Variants in SLIT2 observed in about 807,000 individuals in gnomAD.
The protein encoded by SLIT2 is slit homolog 2 protein.
A neutral mutation model predicts 185.7 loss-of-function variants in SLIT2; 41 were observed. That is an observed-to-expected ratio of 0.22 (90% CI 0.17 to 0.29). The LOEUF (loss-of-function observed/expected upper bound fraction) is 0.29. Ranked by LOEUF, SLIT2 falls within the 10% of genes least tolerant of loss-of-function variation. SLIT2 has a pLI of 1.00. For synonymous variants in SLIT2, 693 were observed against 680.2 expected (o/e 1.02, Z -0.29); for missense variants, 1,571 against 1,909.0 (o/e 0.82, Z 3.30).
chr4:20,609,002 G>T (rs1729002595), intron 33 of SLIT2, among the ~76,000 whole-genome samples: 1 of 152,056 alleles, frequency 6.6e-6, no homozygotes, highest in Non-Finnish European at 1.5e-5. Flanking sequence ...CCTGTATAGG[G>T]AAAGGTAAGT....
chr4:20,291,463 T>C, intron 4 of SLIT2, among the ~76,000 whole-genome samples: 1 of 26,728 alleles, frequency 3.7e-5, no homozygotes, highest in East Asian at 7.2e-4. Flanking sequence ...TATATATATA[T>C]ATATATATAT....
intron 3 of SLIT2, among the ~76,000 whole-genome samples, chr4:20,262,065 A>T (rs1712529062): frequency 6.6e-6 from 1 of 151,896 alleles, no homozygotes; most frequent in Non-Finnish European, 1.5e-5. Context: ...AATCTTGAAC[A>T]GTCAAGCTGT....
intron 4 of SLIT2, among the ~76,000 whole-genome samples, chr4:20,307,234 C>CCTTCCTTCCTTCCTTT (rs1717663829): frequency 9.3e-6 from 1 of 107,578 alleles, no homozygotes; most frequent in African/African-American, 4.2e-5. Flanking sequence ...TATTTCTTTT[C>CCTTCCTTCCTTCCTTT]CTTCCTTCCT....
At chr4:20,392,822 G>A (rs917681934) in intron 4 of SLIT2, among the ~76,000 whole-genome samples, 6 of 151,918 alleles carry the variant, frequency 3.9e-5, no homozygotes, top group African/African-American at 9.7e-5. Flanking sequence ...CTTCAGAAGC[G>A]ATAACACACA....
At chr4:20,530,026 A>G (rs953628278) in intron 16 of SLIT2, among the ~76,000 whole-genome samples, 6 of 151,962 alleles carry the variant, frequency 3.9e-5, no homozygotes, top group African/African-American at 1.2e-4. Context: ...ATTTTTAGCA[A>G]TTTGAATAAC....
intron 4 of SLIT2, among the ~76,000 whole-genome samples, chr4:20,429,477 T>G (rs963124796): frequency 2.0e-5 from 3 of 152,186 alleles, no homozygotes; most frequent in African/African-American, 7.2e-5. Context: ...GTTTTCTGTC[T>G]TCTTGGCTCT....
rs748179412 is a variant in SLIT2, at chr4:20,618,938, A to C, written c.4519A>C (p.Thr1507Pro). Residue 1507 changes from threonine (T) to proline (P), a missense_variant, in exon 37 of 37, where the codon ACT (threonine) becomes CCT (proline). Transcript: ENST00000504154. ...SKRRKYSFEC[T>P]DGSSFVDEVE... is the part of the protein sequence containing the mutation. ...GCGGCGGAAATACTCTTTCGAATGC[A>C]CTGACGGCTCCTCCTTTGTGGACGA... 19 of 1,614,154 alleles carry C rather than the reference A, an allele frequency of 1.2e-5. No homozygotes were observed. The highest frequency in any genetic ancestry group is 1.5e-5 in the Non-Finnish European group (18 of 1,180,010).
intron 12 of SLIT2, among the ~76,000 whole-genome samples, chr4:20,522,787 G>T (rs1002364618): frequency 1.3e-4 from 20 of 152,094 alleles, no homozygotes; most frequent in Non-Finnish European, 2.8e-4. Flanking sequence ...CTCCAAGAGG[G>T]TTGTAAAGTA....
At chr4:20,438,972 A>G (rs1028147978) in intron 4 of SLIT2, among the ~76,000 whole-genome samples, 5 of 152,096 alleles carry the variant, frequency 3.3e-5, no homozygotes, top group African/African-American at 1.2e-4. Flanking sequence ...CTGACATACT[A>G]TATTGTTTAC....
At chr4:20,551,148 T>C (rs971194001) in intron 25 of SLIT2, among the ~76,000 whole-genome samples, 1 of 152,234 alleles carries the variant, frequency 6.6e-6, no homozygotes, top group African/African-American at 2.4e-5. Context: ...TCTACAAATA[T>C]GGCTCTCCAA....
At chr4:20,299,733 C>T (rs1716866561) in intron 4 of SLIT2, among the ~76,000 whole-genome samples, 1 of 151,438 alleles carries the variant, frequency 6.6e-6, no homozygotes, top group Non-Finnish European at 1.5e-5. Flanking sequence ...ACAGGGGGAG[C>T]CAATTCCATA....
chr4:20,507,904 A>G (rs1216197974), intron 9 of SLIT2, among the ~76,000 whole-genome samples: 3 of 151,986 alleles, frequency 2.0e-5, no homozygotes, highest in Non-Finnish European at 4.4e-5. Context: ...ATATTATTTC[A>G]TCTATAGCTC....
chr4:20,617,451 C>G lies in SLIT2; in HGVS notation c.4149C>G (p.Gly1383=). 2 of 1,614,000 alleles carry G rather than the reference C, an allele frequency of 1.2e-6. No individual in the cohort carries two copies. The highest frequency in any genetic ancestry group is 1.7e-6 in the Non-Finnish European group (2 of 1,179,908). Residue 1383 remains glycine, a synonymous_variant, in exon 36 of 37, where the codon GGC becomes GGG. Coordinates refer to ENST00000504154, the MANE Select transcript of SLIT2 (RefSeq NM_004787.4). Reference sequence around the variant, plus strand: ...CTCCTCCCTGTAGATGCGTACATGGCACCTGCTTGCCCATCAATGCGTTCT... The same window carrying G: ...CTCCTCCCTGTAGATGCGTACATGGGACCTGCTTGCCCATCAATGCGTTCT... The part of the protein sequence containing the change: ...DPCLGNKCVH[G]TCLPINAFSY...
At chr4:20,511,420 CTTTTTTTTTTTT>C (rs1040955182) in intron 11 of SLIT2, among the ~76,000 whole-genome samples, 1 of 122,058 alleles carries the variant, frequency 8.2e-6, no homozygotes, top group African/African-American at 3.0e-5. Context: ...TTTTTTATTT[CTTTTTTTTTTTT>C]TTTTTTTGAG....
At chr4:20,458,490 C>T (rs1713336906) in intron 4 of SLIT2, among the ~76,000 whole-genome samples, 2 of 152,150 alleles carry the variant, frequency 1.3e-5, no homozygotes, top group African/African-American at 4.8e-5. Flanking sequence ...AATATAGATT[C>T]CTGGACCTCT....
chr4:20,380,386 C>T (rs1275398451), intron 4 of SLIT2, among the ~76,000 whole-genome samples: 1 of 151,854 alleles, frequency 6.6e-6, no homozygotes, highest in Non-Finnish European at 1.5e-5. Flanking sequence ...ATCTTACATG[C>T]AATAAAAAAT....
At chr4:20,365,619 C>T (rs780272434) in intron 4 of SLIT2, among the ~76,000 whole-genome samples, 1 of 152,138 alleles carries the variant, frequency 6.6e-6, no homozygotes, top group Non-Finnish European at 1.5e-5. Flanking sequence ...TTTCACATCT[C>T]ATTGGGCAAC....
chr4:20,291,283 C>T (rs546166346), intron 4 of SLIT2, among the ~76,000 whole-genome samples: 3 of 151,590 alleles, frequency 2.0e-5, no homozygotes, highest in Non-Finnish European at 4.4e-5. Context: ...GTGTGGTATG[C>T]ACATTCTTCA....
intron 4 of SLIT2, among the ~76,000 whole-genome samples, chr4:20,419,574 T>G (rs926805190): frequency 1.3e-5 from 2 of 151,838 alleles, no homozygotes; most frequent in Non-Finnish European, 2.9e-5. Context: ...CTAAAGCAAT[T>G]GACATAACCT....
Sources: gnomAD v4.1 joint callset for allele counts (sites outside exome capture counted in the v4.1 genomes callset) on GRCh38, gnomAD v4.1.1 for gene constraint, MANE v1.5 for transcripts, NCBI Gene and HGNC (gene_info 2026-07-23, HGNC 2026-07-21) for gene names.